Variants in SNX27 observed in about 807,000 individuals in gnomAD.
SNX27 encodes the protein sorting nexin 27, also known as sorting nexin-27.
In SNX27, 22 loss-of-function variants were observed where a neutral mutation model predicts 71.6. That is an observed-to-expected ratio of 0.31 (90% CI 0.22 to 0.44). The LOEUF (loss-of-function observed/expected upper bound fraction) is 0.44. Among genes scored for constraint, SNX27 ranks in the 20% least tolerant of loss-of-function variants. The pLI is 1.00. For missense variants in SNX27, 531 were observed against 698.6 expected (o/e 0.76, Z 2.70); for synonymous variants, 269 against 277.2 (o/e 0.97, Z 0.29).
chr1:151,684,134 T>C (rs1671087860), intron 8 of SNX27, among the ~76,000 whole-genome samples: 1 of 152,210 alleles, frequency 6.6e-6, no homozygotes, highest in African/African-American at 2.4e-5. Context: ...AAATCATTTG[T>C]TTTTACAGCT....
chr1:151,630,210 C>G (rs1360405015), intron 1 of SNX27, among the ~76,000 whole-genome samples: 2 of 151,838 alleles, frequency 1.3e-5, no homozygotes, highest in Middle Eastern at 3.2e-3. Flanking sequence ...AATTTTTGCC[C>G]TTACGAAGCT....
At chr1:151,643,021 C>T (rs1242751181) in intron 2 of SNX27, among the ~76,000 whole-genome samples, 4 of 151,710 alleles carry the variant, frequency 2.6e-5, no homozygotes, top group Admixed American at 1.3e-4. Context: ...TGGAGTGCAA[C>T]GGCGTGATCT....
At chr1:151,625,841 G>C (rs944834284) in intron 1 of SNX27, among the ~76,000 whole-genome samples, 1 of 151,586 alleles carries the variant, frequency 6.6e-6, no homozygotes, top group Non-Finnish European at 1.5e-5. Flanking sequence ...CCTGCTGCTC[G>C]GGAGGCTGAG....
At chr1:151,653,961 T>C (rs1669558505) in intron 2 of SNX27, among the ~76,000 whole-genome samples, 1 of 151,882 alleles carries the variant, frequency 6.6e-6, no homozygotes, top group African/African-American at 2.4e-5. Context: ...TCCTCCCTAG[T>C]AGTTGGGACT....
Position 151,683,464 on chromosome 1 carries a change from A to C in SNX27, c.1239+19A>C. 6.3e-7 allele frequency: 1 copy of C among 1,587,626 alleles called. No individual in the cohort carries two copies. The highest frequency in any genetic ancestry group is 8.6e-7 in the Non-Finnish European group (1 of 1,160,762). On this transcript the variant is annotated intron_variant, in intron 8 of 11. Coordinates refer to ENST00000458013, the MANE Select transcript of SNX27 (RefSeq NM_001330723.2). ...GGTCATGGTAAGTTTATGTCCCCATAATCCCTTTAAAAATGCCCCTTCCTA... is the reference window on the plus strand; with the variant it reads ...GGTCATGGTAAGTTTATGTCCCCATCATCCCTTTAAAAATGCCCCTTCCTA...
chr1:151,658,332 T>G lies in SNX27; in HGVS notation c.641T>G (p.Phe214Cys), dbSNP rs1286385407. Residue 214 changes from phenylalanine (F) to cysteine (C), a missense_variant, in exon 3 of 12, where the codon TTT (phenylalanine) becomes TGT (cysteine). By Grantham distance (205) the Phe-to-Cys change is radical (BLOSUM62 -2). This residue lies in a region of SNX27 where 184 missense variants were observed against 289.6 expected (regional missense o/e 0.64). Coordinates refer to ENST00000458013, the MANE Select transcript of SNX27 (RefSeq NM_001330723.2). ...HQNLKREFAN[F>C]TFPRLPGKWP... ...AACCTGAAGAGAGAGTTTGCCAACT[T>G]TACATTTCCTCGACTCCCAGGGAAG... The G allele has an allele frequency of 6.2e-7, 1 of 1,614,052 alleles. No individual in the cohort carries two copies. The highest frequency in any genetic ancestry group is 1.3e-5 in the African/African-American group (1 of 74,920).
chr1:151,612,890 G>A lies in SNX27; in HGVS notation c.311+378G>A, dbSNP rs376321343. On this transcript the variant is annotated intron_variant, in intron 1 of 11. Transcript: ENST00000458013. The surrounding 1 kb of genome is among the most constrained non-coding windows in gnomAD (Gnocchi z 5.2). ...ACCTCATCTGCTCCTTACTGACGGC[G>A]TTTCGTTTTCTGATCCAGCCAGTAC... Among the ~76,000 whole-genome samples, 63 of 152,100 alleles carry A rather than the reference G, an allele frequency of 4.1e-4. No homozygotes were observed. In the South Asian group the frequency reaches 0.013, roughly 31 times the overall value.
chr1:151,621,267 G>T (rs1667662569), intron 1 of SNX27, among the ~76,000 whole-genome samples: 1 of 152,160 alleles, frequency 6.6e-6, no homozygotes, highest in Non-Finnish European at 1.5e-5. Context: ...GTAGTCTCTT[G>T]TTTATTATTT....
At chr1:151,665,503 G>A (rs1455359132) in intron 5 of SNX27, among the ~76,000 whole-genome samples, 1 of 152,126 alleles carries the variant, frequency 6.6e-6, no homozygotes, top group African/African-American at 2.4e-5. Context: ...TTGTGTTAAT[G>A]TATTAAATGT....
intron 1 of SNX27, among the ~76,000 whole-genome samples, chr1:151,627,341 C>T (rs1356592503): frequency 2.0e-5 from 3 of 152,180 alleles, no homozygotes; most frequent in South Asian, 2.1e-4. Context: ...CGAGTACCCT[C>T]GTGGAAAACA....
intron 2 of SNX27, among the ~76,000 whole-genome samples, chr1:151,640,835 G>A (rs1004214257): frequency 6.6e-6 from 1 of 152,080 alleles, no homozygotes; most frequent in African/African-American, 2.4e-5. Context: ...ACCCTCAAAA[G>A]TTCCCTCATG....
chr1:151,660,772 C>A, intron 3 of SNX27, 26 bp from the exon 4 acceptor site: 1 of 1,579,190 alleles, frequency 6.3e-7, no homozygotes, highest in South Asian at 1.1e-5. Flanking sequence ...AGGCCTTATG[C>A]CAGATTTTAT....
At chr1:151,627,960 C>T (rs1013749814) in intron 1 of SNX27, among the ~76,000 whole-genome samples, 8 of 151,288 alleles carry the variant, frequency 5.3e-5, no homozygotes, top group African/African-American at 1.9e-4. Context: ...TGGCTTCTTT[C>T]CCTTGGCAAC....
chr1:151,650,599 T>C (rs1001848534), intron 2 of SNX27, among the ~76,000 whole-genome samples: 1 of 152,172 alleles, frequency 6.6e-6, no homozygotes, highest in Admixed American at 6.5e-5. Flanking sequence ...TTTCTCTTTT[T>C]TTTTAAAATT....
intron 2 of SNX27, among the ~76,000 whole-genome samples, chr1:151,644,959 C>T (rs899159191): frequency 6.6e-6 from 1 of 152,202 alleles, no homozygotes; most frequent in East Asian, 1.9e-4. Flanking sequence ...GCTACCACAC[C>T]TGGCTAATTT....
chr1:151,682,650 A>G lies in SNX27; in HGVS notation c.1150-706A>G, dbSNP rs190844696. 2.0e-5 allele frequency among the ~76,000 whole-genome samples: 3 copies of G among 152,172 alleles called. No homozygotes were observed. The East Asian group carries it at 5.8e-4, about 29-fold the overall frequency. The stretch of plus-strand genomic sequence containing the variant: ...CTTGGGAAAGCCTCAGGAAACTTAC[A>G]ATCATGGCATAAGGTGAAAGGGAAG... On this transcript the variant is annotated intron_variant, in intron 7 of 11. Transcript: ENST00000458013.
At chr1:151,637,945 T>C (rs1272351391) in intron 1 of SNX27, among the ~76,000 whole-genome samples, 1 of 152,222 alleles carries the variant, frequency 6.6e-6, no homozygotes, top group East Asian at 1.9e-4. Flanking sequence ...GGGATAGCCA[T>C]GGGAGGGAAC....
At chr1:151,632,456 A>G (rs1267757533) in intron 1 of SNX27, among the ~76,000 whole-genome samples, 1 of 152,140 alleles carries the variant, frequency 6.6e-6, no homozygotes, top group Non-Finnish European at 1.5e-5. Context: ...GCACCTGGAC[A>G]TGTTGCTGAG....
intron 11 of SNX27, 45 bp from the exon 12 acceptor site, chr1:151,694,325 G>A (rs549941550): frequency 1.3e-6 from 2 of 1,548,112 alleles, no homozygotes; most frequent in East Asian, 4.9e-5. Flanking sequence ...CTCCAGATAA[G>A]AGGAGATGTG....
Sources: gnomAD v4.1 joint callset for allele counts (sites outside exome capture counted in the v4.1 genomes callset) on GRCh38, gnomAD v4.1.1 for gene constraint, gnomAD v4.1.1 regional missense constraint, Gnocchi (gnomAD v3.1) non-coding constraint, MANE v1.5 for transcripts, NCBI Gene and HGNC (gene_info 2026-07-23, HGNC 2026-07-21) for gene names.